The following MYRIP variants were observed in gnomAD, a reference collection of about 807,000 sequenced individuals.
MYRIP encodes the protein rab effector MyRIP.
Under a neutral mutation model 98.0 loss-of-function variants are expected in MYRIP, and 49 were observed. That is an observed-to-expected ratio of 0.50 (90% CI 0.40 to 0.63). The LOEUF is 0.63. Ranked by LOEUF, MYRIP falls within the 30% of genes least tolerant of loss-of-function variation. The pLI is 0.00. For missense variants in MYRIP, 1,004 were observed against 1,058.2 expected (o/e 0.95, Z 0.71); for synonymous variants, 404 against 409.5 (o/e 0.99, Z 0.16).
In MYRIP at chr3:40,174,419, C is replaced by G. The variant is rs1001482570; in HGVS notation, c.873+4326C>G. The G allele has an allele frequency of 2.6e-5, 4 of 152,232 alleles. 1 individual carries two copies. Among genetic ancestry groups the G allele is most frequent in the African/African-American group, 9.6e-5 (4 of 41,466 alleles). The allele number at this position is 152,232 out of a possible 1,614,324, so 9.4% of individuals were successfully genotyped here. ...GAAGTATATGCTCTATCTTCCCCCC[C>G]ATTCATACTTATACTCCTGGGGAGC... On this transcript the variant is annotated intron_variant, in intron 8 of 16. Coordinates refer to ENST00000302541, the MANE Select transcript of MYRIP (RefSeq NM_015460.4).
chr3:39,981,250 G>A (rs9881911), intron 2 of MYRIP, among the ~76,000 whole-genome samples: 69,787 of 151,890 alleles, frequency 0.46, 16,525 homozygotes, highest in African/African-American at 0.6. Flanking sequence ...GGCCAATCTG[G>A]TTTTTTAATT....
chr3:39,822,455 ATTTT>A (rs367849683), intron 1 of MYRIP, among the ~76,000 whole-genome samples: 1 of 150,148 alleles, frequency 6.7e-6, no homozygotes, highest in Non-Finnish European at 1.5e-5. Context: ...ACATTATGAG[ATTTT>A]TTTTTGCGAT....
intron 2 of MYRIP, among the ~76,000 whole-genome samples, chr3:40,025,100 T>A (rs1433823376): frequency 6.6e-6 from 1 of 152,166 alleles, no homozygotes; most frequent in Admixed American, 6.5e-5. Flanking sequence ...TCTCCCAACA[T>A]CCATGTTGAC....
At chr3:40,008,451 C>T (rs1231349527) in intron 2 of MYRIP, among the ~76,000 whole-genome samples, 3 of 152,038 alleles carry the variant, frequency 2.0e-5, no homozygotes, top group Non-Finnish European at 4.4e-5. Context: ...CTGTATTAAA[C>T]TTTAGGGTAT....
At chr3:39,970,543 T>A (rs889859065) in intron 2 of MYRIP, among the ~76,000 whole-genome samples, 1 of 152,158 alleles carries the variant, frequency 6.6e-6, no homozygotes, top group African/African-American at 2.4e-5. Context: ...CATACATTTC[T>A]ACTTTTCCCC....
At chr3:40,217,056 T>G (rs566972198) in intron 11 of MYRIP, among the ~76,000 whole-genome samples, 1 of 152,292 alleles carries the variant, frequency 6.6e-6, no homozygotes, top group African/African-American at 2.4e-5. Flanking sequence ...TGAGCAAAAC[T>G]GACTCTAGAA....
intron 2 of MYRIP, among the ~76,000 whole-genome samples, chr3:40,007,138 G>A (rs1288347739): frequency 6.6e-6 from 1 of 152,202 alleles, no homozygotes; most frequent in Non-Finnish European, 1.5e-5. Context: ...TATTGGTTTA[G>A]TCATCAGTGT....
chr3:39,965,236 G>A (rs1216590529), intron 2 of MYRIP, among the ~76,000 whole-genome samples: 1 of 151,948 alleles, frequency 6.6e-6, no homozygotes, highest in African/African-American at 2.4e-5. Context: ...GATCCCCAAA[G>A]CCTCCAAGTG....
At chr3:39,884,258 C>T (rs1471003389) in intron 1 of MYRIP, among the ~76,000 whole-genome samples, 1 of 152,100 alleles carries the variant, frequency 6.6e-6, no homozygotes, top group Non-Finnish European at 1.5e-5. Context: ...GATCACAATT[C>T]AGACAAGATG....
intron 16 of MYRIP, 96 bp downstream of exon 16, chr3:40,252,095 C>T: frequency 1.1e-6 from 1 of 931,912 alleles, no homozygotes; most frequent in Non-Finnish European, 1.7e-6. Context: ...ATCAGAACCC[C>T]CAAAAAGTAT....
chr3:40,214,121 G>C (rs892053017), intron 11 of MYRIP, among the ~76,000 whole-genome samples: 2 of 152,286 alleles, frequency 1.3e-5, no homozygotes, highest in African/African-American at 4.8e-5. Context: ...GTCATCTTCT[G>C]GGGGAGCCTA....
intron 1 of MYRIP, among the ~76,000 whole-genome samples, chr3:39,888,123 A>T (rs1392137633): frequency 6.6e-6 from 1 of 152,098 alleles, no homozygotes; most frequent in Non-Finnish European, 1.5e-5. Context: ...TTACAGATTC[A>T]ATGCCATCCC....
chr3:39,906,806 T>C (rs949566853), intron 2 of MYRIP, among the ~76,000 whole-genome samples: 2 of 152,220 alleles, frequency 1.3e-5, no homozygotes, highest in Non-Finnish European at 2.9e-5. Context: ...TGGACAGCTT[T>C]TGGACAAGCA....
chr3:40,074,229 C>T (rs1362561286), intron 3 of MYRIP, among the ~76,000 whole-genome samples: 1 of 152,166 alleles, frequency 6.6e-6, no homozygotes, highest in Admixed American at 6.5e-5. Context: ...TGCCCACAAC[C>T]ACACCTGGCT....
At chr3:39,941,509 G>A (rs188185189) in intron 2 of MYRIP, among the ~76,000 whole-genome samples, 28,861 of 150,298 alleles carry the variant, frequency 0.19, 3,954 homozygotes, top group African/African-American at 0.39. Context: ...GTGTGTGTGT[G>A]TATATATATA....
At chr3:40,224,460 A>G (rs961025825) in intron 11 of MYRIP, among the ~76,000 whole-genome samples, 1 of 151,886 alleles carries the variant, frequency 6.6e-6, no homozygotes, top group Non-Finnish European at 1.5e-5. Flanking sequence ...TCTTAGGCCA[A>G]GAAAGGAACT....
intron 10 of MYRIP, among the ~76,000 whole-genome samples, chr3:40,198,440 C>T (rs1311447560): frequency 1.3e-5 from 2 of 152,184 alleles, no homozygotes; most frequent in African/African-American, 2.4e-5. Context: ...GTGAATGGAT[C>T]TCCAGATGCA....
At chr3:40,244,081 T>C (rs1276148258) in intron 12 of MYRIP, among the ~76,000 whole-genome samples, 2 of 152,232 alleles carry the variant, frequency 1.3e-5, no homozygotes, top group African/African-American at 4.8e-5. Context: ...AAAAATTGTA[T>C]TGGCAAAACT....
chr3:40,157,024 A>C (rs1303226298), intron 4 of MYRIP, among the ~76,000 whole-genome samples: 1 of 151,794 alleles, frequency 6.6e-6, no homozygotes, highest in Non-Finnish European at 1.5e-5. Context: ...AGAACTTCCA[A>C]CACTATGTTG....
Sources: gnomAD v4.1 joint callset for allele counts (sites outside exome capture counted in the v4.1 genomes callset) on GRCh38, gnomAD v4.1.1 for gene constraint, MANE v1.5 for transcripts, NCBI Gene and HGNC (gene_info 2026-07-23, HGNC 2026-07-21) for gene names.